Variants in BTBD18 observed in about 807,000 individuals in gnomAD.
BTBD18 encodes BTB domain containing 18.
For synonymous variants in BTBD18, 311 were observed against 324.4 expected (o/e 0.96, Z 0.44); for missense variants, 787 against 846.3 (o/e 0.93, Z 0.87).
intron 2 of BTBD18, among the ~76,000 whole-genome samples, chr11:57,747,791 G>A (rs762430302): frequency 1.1e-4 from 16 of 151,916 alleles, no homozygotes; most frequent in Non-Finnish European, 1.8e-4. Context: ...GAGCCACCAC[G>A]CCTGGCCAGG....
upstream of BTBD18, among the ~76,000 whole-genome samples, chr11:57,752,637 A>T (rs985526794): frequency 6.6e-6 from 1 of 152,196 alleles, no homozygotes; most frequent in Admixed American, 6.5e-5. Flanking sequence ...CCTTGCCTCC[A>T]GACCCAACTT....
chr11:57,752,312 A>C (rs1949327354), upstream of BTBD18, among the ~76,000 whole-genome samples: 1 of 152,160 alleles, frequency 6.6e-6, no homozygotes, highest in Non-Finnish European at 1.5e-5. Flanking sequence ...AGGCGGGTGG[A>C]TCACCTGAGG....
intron 2 of BTBD18, 45 bp downstream of exon 2, chr11:57,751,020 T>C: frequency 6.8e-7 from 1 of 1,474,576 alleles, no homozygotes; most frequent in Non-Finnish European, 9.0e-7. Flanking sequence ...TCATTTTATC[T>C]TATTCTATGG....
intron 2 of BTBD18, among the ~76,000 whole-genome samples, chr11:57,747,654 G>A (rs1047148622): frequency 2.0e-5 from 3 of 151,938 alleles, no homozygotes; most frequent in African/African-American, 4.8e-5. Context: ...GCCTGCCACC[G>A]CGCCTGGCTA....
intron 2 of BTBD18, among the ~76,000 whole-genome samples, chr11:57,749,301 G>A (rs1490979693): frequency 6.6e-6 from 1 of 152,174 alleles, no homozygotes; most frequent in Non-Finnish European, 1.5e-5. Flanking sequence ...ACAGGCAACT[G>A]ATACTTTTTT....
At chr11:57,747,821 A>G (rs1949227056) in intron 2 of BTBD18, among the ~76,000 whole-genome samples, 1 of 151,710 alleles carries the variant, frequency 6.6e-6, no homozygotes, top group South Asian at 2.1e-4. Context: ...TTTTTTTGAG[A>G]CAGGGTCTTG....
At chr11:57,751,283 GTT>G (rs1949301650) in intron 1 of BTBD18, 47 bp from the exon 2 acceptor site, 1 of 1,072,454 alleles carries the variant, frequency 9.3e-7, no homozygotes, top group Admixed American at 4.1e-5. Context: ...CATCTAATTT[GTT>G]TTTTGTCTTT....
At chr11:57,753,055 C>T (rs565111312), upstream of BTBD18, among the ~76,000 whole-genome samples, 1 of 152,380 alleles carries the variant, frequency 6.6e-6, no homozygotes, top group South Asian at 2.1e-4. Context: ...CTTCAGCACC[C>T]ACATGCACTG....
intron 2 of BTBD18, among the ~76,000 whole-genome samples, chr11:57,747,700 T>A (rs769433141): frequency 1.3e-5 from 2 of 152,168 alleles, no homozygotes; most frequent in Non-Finnish European, 2.9e-5. Flanking sequence ...GGTTTCACCA[T>A]GTTGGCCAGG....
chr11:57,745,979 C>T lies in BTBD18; in HGVS notation c.294G>A (p.Met98Ile). The change falls in exon 3 of 3, where the codon ATG becomes ATA. Residue 98 changes from methionine (M) to isoleucine (I), a missense_variant. Met to Ile is a conservative substitution (Grantham distance 10, BLOSUM62 1). Transcript: ENST00000422652. ...CCTGGGCTTCTTCTTGAGATACTTC[C>T]ATTTCTGAGGTATACAAGAAGTCCA... ...KLVDFLYTSE[M>I]EVSQEEAQDV... 6.4e-7 allele frequency: 1 copy of T among 1,551,646 alleles called. No homozygotes were observed. Among genetic ancestry groups the T allele is most frequent in the Non-Finnish European group, 8.7e-7 (1 of 1,146,988 alleles).
chr11:57,751,240 T>C lies in BTBD18; in HGVS notation c.-48-4A>G. 2 of 1,404,800 alleles carry C rather than the reference T, an allele frequency of 1.4e-6. No homozygotes were observed. The highest frequency in any genetic ancestry group is 1.9e-6 in the Non-Finnish European group (2 of 1,066,656). 87.0% of individuals were successfully genotyped at this position (1,404,800 alleles called of 1,614,324 possible). ...TAGGTTTTCACAGATCAGACTCCTGTAGGTGAGATAATACATTTCAGAGGC... is the reference window on the plus strand; with the variant it reads ...TAGGTTTTCACAGATCAGACTCCTGCAGGTGAGATAATACATTTCAGAGGC... On this transcript the variant is annotated splice_region_variant and splice_polypyrimidine_tract_variant and intron_variant, in intron 1 of 2. Coordinates refer to ENST00000422652, the MANE Select transcript of BTBD18 (RefSeq NM_001145101.3).
At chr11:57,747,177 T>C (rs1321495758) in intron 2 of BTBD18, among the ~76,000 whole-genome samples, 1 of 152,264 alleles carries the variant, frequency 6.6e-6, no homozygotes, top group African/African-American at 2.4e-5. Context: ...CCTCATTTAA[T>C]GGGTACTTCC....
In BTBD18 at chr11:57,743,911, TAGATTACAAATA is replaced by T; in HGVS notation, c.*211_*222del. 1 of 467,054 alleles carries T rather than the reference TAGATTACAAATA, an allele frequency of 2.1e-6. No homozygotes were observed. The highest frequency in any genetic ancestry group is 3.7e-5 in the South Asian group (1 of 27,030). The allele number at this position is 467,054 out of a possible 1,614,324, so 28.9% of individuals were successfully genotyped here. On this transcript the variant is annotated 3_prime_UTR_variant, in exon 3 of 3. Coordinates refer to ENST00000422652, the MANE Select transcript of BTBD18 (RefSeq NM_001145101.3). The stretch of plus-strand genomic sequence containing the variant: ...GTTTCAGTTGTCACTAACCGGAAAA[TAGATTACAAATA>T]AGATGGTACAAGTTCATAATTTTCT...
In BTBD18 at chr11:57,744,540, G is replaced by A. The variant is rs1217605671; in HGVS notation, c.1733C>T (p.Pro578Leu). 6 of 1,551,482 alleles carry A rather than the reference G, an allele frequency of 3.9e-6. No homozygotes were observed. Among genetic ancestry groups the A allele is most frequent in the Non-Finnish European group, 5.2e-6 (6 of 1,146,962 alleles). Residue 578 changes from proline (P) to leucine (L), a missense_variant, in exon 3 of 3, where the codon CCC becomes CTC. Transcript: ENST00000422652. ...PTELLSPLVM[P>L]SEVSEVLSVG... The stretch of plus-strand genomic sequence containing the variant: ...TGAAAGCACTTCACTCACCTCAGAG[G>A]GCATGACAAGGGGGCTAAGGAGCTC...
intron 2 of BTBD18, among the ~76,000 whole-genome samples, chr11:57,748,549 TAAAAAGAAA>T (rs1949238827): frequency 8.4e-6 from 1 of 118,514 alleles, no homozygotes; most frequent in African/African-American, 2.9e-5. Context: ...ACCTTGTCTC[TAAAAAGAAA>T]AAAAAGAAAA....
Position 57,744,023 on chromosome 11 carries a change from G to T in BTBD18, c.*111C>A, listed in dbSNP as rs1300343511. ...AGGAAGGGACCTACAAAGAGCCAGG[G>T]TACACCTGCCTCTTGTGCTGAGGGC... On this transcript the variant is annotated 3_prime_UTR_variant, in exon 3 of 3. Coordinates refer to ENST00000422652, the MANE Select transcript of BTBD18 (RefSeq NM_001145101.3). The T allele has an allele frequency of 2.6e-6, 2 of 766,890 alleles. No individual in the cohort carries two copies. The highest frequency in any genetic ancestry group is 2.7e-5 in the East Asian group (1 of 37,020). 47.5% of individuals were successfully genotyped at this position (766,890 alleles called of 1,614,324 possible). A position where few individuals can be genotyped will look rare whatever the true frequency, so the allele number is the denominator to read the frequency against.
At position 57,743,691 on chromosome 11, in the gene BTBD18, C is replaced by G. The variant is rs1459826480; in HGVS notation, c.*443G>C. ...TGGGTGCTGGACAGCATCCATCACTCCCACCCACTTAGTATTCCACCCAAC... is the reference window on the plus strand; with the variant it reads ...TGGGTGCTGGACAGCATCCATCACTGCCACCCACTTAGTATTCCACCCAAC... On this transcript the variant is annotated 3_prime_UTR_variant, in exon 3 of 3. Coordinates refer to ENST00000422652, the MANE Select transcript of BTBD18 (RefSeq NM_001145101.3). 1.2e-5 allele frequency: 2 copies of G among 161,454 alleles called. No individual in the cohort carries two copies. Among genetic ancestry groups the G allele is most frequent in the Admixed American group, 1.2e-4 (2 of 17,060 alleles). 10.0% of individuals were successfully genotyped at this position (161,454 alleles called of 1,614,324 possible). A position where few individuals can be genotyped will look rare whatever the true frequency, so the allele number is the denominator to read the frequency against.
chr11:57,746,206 G>A, intron 2 of BTBD18, 58 bp from the exon 3 acceptor site: 1 of 1,343,038 alleles, frequency 7.4e-7, no homozygotes, highest in African/African-American at 1.5e-5. Flanking sequence ...CATGGGCTAA[G>A]CATAGACATT....
Position 57,751,254 on chromosome 11 carries a change from C to T in BTBD18, c.-48-18G>A. On this transcript the variant is annotated intron_variant, in intron 1 of 2. Coordinates refer to ENST00000422652, the MANE Select transcript of BTBD18 (RefSeq NM_001145101.3). The stretch of plus-strand genomic sequence containing the variant: ...TCAGACTCCTGTAGGTGAGATAATA[C>T]ATTTCAGAGGCATGGTTACATCTAA... 7.8e-7 allele frequency: 1 copy of T among 1,283,210 alleles called. No individual in the cohort carries two copies. The highest frequency in any genetic ancestry group is 1.0e-6 in the Non-Finnish European group (1 of 976,618). The allele number at this position is 1,283,210 out of a possible 1,614,324, so 79.5% of individuals were successfully genotyped here.
Sources: allele counts gnomAD v4.1 joint callset (sites outside exome capture counted in the v4.1 genomes callset), GRCh38; gene constraint gnomAD v4.1.1; transcripts MANE v1.5; gene names NCBI Gene and HGNC (gene_info 2026-07-23, HGNC 2026-07-21).